The following METTL15 variants were observed in gnomAD, a reference collection of about 807,000 sequenced individuals.
METTL15 encodes methyltransferase 15, mitochondrial 12S rRNA N4-cytidine.
In METTL15, 34 loss-of-function variants were observed where a neutral mutation model predicts 38.3. The observed-to-expected ratio is 0.89, with a 90% CI of 0.68 to 1.18. The LOEUF (loss-of-function observed/expected upper bound fraction) is 1.18. Among genes scored for constraint, METTL15 ranks in the 50% most tolerant of loss-of-function variants. The pLI, the probability that METTL15 is intolerant of heterozygous loss-of-function variation, is 0.00. For synonymous variants in METTL15, 162 were observed against 170.9 expected (o/e 0.95, Z 0.41); for missense variants, 438 against 498.4 (o/e 0.88, Z 1.15).
chr11:28,438,189 C>T (rs1850999948), intron 6 of METTL15, among the ~76,000 whole-genome samples: 1 of 152,132 alleles, frequency 6.6e-6, no homozygotes, highest in East Asian at 1.9e-4. Flanking sequence ...CTATTATTAT[C>T]CTTGTTTTCA....
At chr11:28,123,532 T>TGTAA (rs1852340875) in intron 3 of METTL15, among the ~76,000 whole-genome samples, 1 of 151,672 alleles carries the variant, frequency 6.6e-6, no homozygotes, top group Non-Finnish European at 1.5e-5. Flanking sequence ...TCCTTTGTGG[T>TGTAA]CAGTTGCTAG....
intron 5 of METTL15, among the ~76,000 whole-genome samples, chr11:28,416,510 CAGTG>C: frequency 6.6e-6 from 1 of 152,318 alleles, no homozygotes; most frequent in South Asian, 2.1e-4. Context: ...GTTCTGAAGT[CAGTG>C]AGAAACCTCT....
intron 3 of METTL15, among the ~76,000 whole-genome samples, chr11:28,133,611 A>G (rs747753691): frequency 6.6e-6 from 1 of 152,180 alleles, no homozygotes; most frequent in Admixed American, 6.5e-5. Flanking sequence ...GGCTTCTTCC[A>G]TGCTGTCTTT....
At chr11:28,141,063 A>G (rs1260793136) in intron 3 of METTL15, among the ~76,000 whole-genome samples, 2 of 152,202 alleles carry the variant, frequency 1.3e-5, no homozygotes, top group African/African-American at 4.8e-5. Flanking sequence ...CAGCAGAGAT[A>G]GTGTTTAGTC....
intron 6 of METTL15, among the ~76,000 whole-genome samples, chr11:28,432,711 T>C (rs1272482110): frequency 6.6e-6 from 1 of 152,236 alleles, no homozygotes; most frequent in Non-Finnish European, 1.5e-5. Context: ...ATGAATTCCA[T>C]TGTCAAAGGT....
chr11:28,372,275 G>A (rs1018355974), intron 5 of METTL15, among the ~76,000 whole-genome samples: 1 of 151,956 alleles, frequency 6.6e-6, no homozygotes, highest in African/African-American at 2.4e-5. Flanking sequence ...GATGTATTAT[G>A]TTAATTGATT....
chr11:28,123,693 T>C (rs1347666961), intron 3 of METTL15, among the ~76,000 whole-genome samples: 1 of 152,138 alleles, frequency 6.6e-6, no homozygotes, highest in East Asian at 1.9e-4. Flanking sequence ...TTTCCTTTGT[T>C]CTTCAATGTT....
chr11:28,532,224 G>C, the METTL15 span, among the ~76,000 whole-genome samples: 1,054 of 152,056 alleles, frequency 6.9e-3, 7 homozygotes, highest in African/African-American at 0.023. Flanking sequence ...TTGGATTTTG[G>C]TGGATCACTT....
At chr11:28,520,082 G>A (rs1040770994) in intron 6 of METTL15, among the ~76,000 whole-genome samples, 1 of 152,238 alleles carries the variant, frequency 6.6e-6, no homozygotes, top group Non-Finnish European at 1.5e-5. Context: ...GGTCACGCCT[G>A]TAATCCTAGC....
intron 6 of METTL15, among the ~76,000 whole-genome samples, chr11:28,325,867 A>C (rs2134055346): frequency 6.6e-6 from 1 of 152,316 alleles, no homozygotes; most frequent in Admixed American, 6.5e-5. Context: ...GAGTGAGATA[A>C]ATAAGTAAAC....
chr11:28,327,303 A>G (rs959083303), intron 6 of METTL15, among the ~76,000 whole-genome samples: 1 of 152,240 alleles, frequency 6.6e-6, no homozygotes, highest in Non-Finnish European at 1.5e-5. Context: ...GGAAAGCTTC[A>G]TAGATTAAAG....
intron 6 of METTL15, among the ~76,000 whole-genome samples, chr11:28,495,431 C>T (rs143041204): frequency 1.3e-5 from 2 of 152,266 alleles, no homozygotes; most frequent in African/African-American, 4.8e-5. Context: ...AGCTAATTTG[C>T]AAGCTCTCCC....
At chr11:28,236,772 C>G (rs1854001232) in intron 4 of METTL15, among the ~76,000 whole-genome samples, 1 of 152,078 alleles carries the variant, frequency 6.6e-6, no homozygotes, top group Non-Finnish European at 1.5e-5. Flanking sequence ...GTGCTTCCTT[C>G]AGGAGCTCTT....
chr11:28,282,839 G>C (rs1856107709), intron 4 of METTL15, among the ~76,000 whole-genome samples: 2 of 152,248 alleles, frequency 1.3e-5, no homozygotes, highest in South Asian at 4.1e-4. Context: ...ACTATCAAAA[G>C]AATCACCAAG....
intron 3 of METTL15, among the ~76,000 whole-genome samples, chr11:28,159,167 C>T (rs1850364895): frequency 6.6e-6 from 1 of 152,052 alleles, no homozygotes; most frequent in South Asian, 2.1e-4. Flanking sequence ...TACCTGGACA[C>T]TTTGGGTTCC....
chr11:28,127,530 G>T (rs17244331), intron 3 of METTL15, among the ~76,000 whole-genome samples: 19,553 of 151,986 alleles, frequency 0.13, 1,560 homozygotes, highest in East Asian at 0.28. Flanking sequence ...TTCAATACTT[G>T]GGCTATTTTC....
downstream of METTL15, among the ~76,000 whole-genome samples, chr11:28,529,108 G>A (rs1011712927): frequency 6.6e-6 from 1 of 152,144 alleles, no homozygotes; most frequent in Non-Finnish European, 1.5e-5. Context: ...TGCTTACGTT[G>A]AGAAGAGAAA....
At chr11:28,231,473 T>G (rs546979575) in intron 4 of METTL15, among the ~76,000 whole-genome samples, 3 of 152,022 alleles carry the variant, frequency 2.0e-5, no homozygotes, top group East Asian at 3.9e-4. Context: ...GCTTTTTTTC[T>G]TATGGTAAAA....
At chr11:28,352,565 C>T (rs1377039645) in intron 4 of METTL15, among the ~76,000 whole-genome samples, 1 of 152,154 alleles carries the variant, frequency 6.6e-6, no homozygotes, top group Non-Finnish European at 1.5e-5. Context: ...TAACATTTTT[C>T]AAGCACAAAA....
Sources: allele counts gnomAD v4.1 joint callset (sites outside exome capture counted in the v4.1 genomes callset), GRCh38; gene constraint gnomAD v4.1.1; transcripts MANE v1.5; gene names NCBI Gene and HGNC (gene_info 2026-07-23, HGNC 2026-07-21).